Variants in EMID1 observed in about 807,000 individuals in gnomAD.
The protein encoded by EMID1 is EMI domain-containing protein 1.
A neutral mutation model predicts 60.6 loss-of-function variants in EMID1; 40 were observed. The observed-to-expected ratio is 0.66, with a 90% CI of 0.51 to 0.86. The LOEUF (loss-of-function observed/expected upper bound fraction) is 0.86, where lower values mean the gene tolerates loss of function less well. Among genes scored for constraint, EMID1 ranks in the 40% least tolerant of loss-of-function variants. EMID1 has a pLI of 0.00. For synonymous variants in EMID1, 242 were observed against 231.0 expected, an observed-to-expected ratio of 1.05 and a Z score of -0.43; for missense variants, 585 against 597.1, an observed-to-expected ratio of 0.98 and a Z score of 0.21.
chr22:29,226,591 A>G (rs2031332430), intron 5 of EMID1, 40 bp downstream of exon 5: 1 of 1,595,050 alleles, frequency 6.3e-7, no homozygotes, highest in African/African-American at 1.3e-5. Flanking sequence ...GTTCCCTGCC[A>G]CAGGCCAGTC....
At position 29,255,375 on chromosome 22, in the gene EMID1, G is replaced by A. The variant is rs567805402; in HGVS notation, c.1204+1088G>A. On this transcript the variant is annotated intron_variant, in intron 14 of 14. Coordinates refer to ENST00000334018, the MANE Select transcript of EMID1 (RefSeq NM_133455.4). ...TCATCTGGCCAGGTAATGGCAGGGC[G>A]GGCAGGCAGGGGCAGCCTCTTCCAG... 5.1e-5 allele frequency: 74 copies of A among 1,437,230 alleles called. No homozygotes were observed. In the African/African-American group the frequency reaches 6.3e-4, roughly 12 times the overall value. 89.0% of individuals were successfully genotyped at this position (1,437,230 alleles called of 1,614,324 possible). A position where few individuals can be genotyped will look rare whatever the true frequency, so the allele number is the denominator to read the frequency against.
chr22:29,256,404 CAGTG>C (rs1569012024), intron 14 of EMID1, among the ~76,000 whole-genome samples: 1 of 145,464 alleles, frequency 6.9e-6, no homozygotes. Context: ...GCAGAGGTTG[CAGTG>C]AGCCGAGACC....
chr22:29,250,723 C>T (rs1056371294), intron 13 of EMID1, among the ~76,000 whole-genome samples: 2 of 126,524 alleles, frequency 1.6e-5, no homozygotes, highest in Non-Finnish European at 3.5e-5. Context: ...TGCACCACCA[C>T]ACCCGGCTAA....
At chr22:29,254,664 G>C in intron 14 of EMID1, 2 of 248,868 alleles carry the variant, frequency 8.0e-6, no homozygotes, top group Non-Finnish European at 1.6e-5. Flanking sequence ...CAGACTCCTG[G>C]AGTGCAAGGA....
At chr22:29,233,039 C>T (rs2040813092) in intron 8 of EMID1, 2 of 338,020 alleles carry the variant, frequency 5.9e-6, no homozygotes, top group Admixed American at 4.2e-5. Context: ...GCGTAACATC[C>T]ATGTACAGAA....
intron 14 of EMID1, 52 bp from the exon 15 acceptor site, chr22:29,258,765 C>T (rs1246180404): frequency 6.2e-7 from 1 of 1,601,450 alleles, no homozygotes; most frequent in Non-Finnish European, 8.5e-7. Context: ...GGGAGGTGGG[C>T]ACCTCACATG....
At chr22:29,216,584 T>C (rs1240137340) in intron 3 of EMID1, 46 of 985,270 alleles carry the variant, frequency 4.7e-5, no homozygotes, top group Non-Finnish European at 5.5e-5. Flanking sequence ...TGTGCGAAAA[T>C]GTAGCCTCTG....
intron 1 of EMID1, among the ~76,000 whole-genome samples, chr22:29,212,185 C>T (rs1204885747): frequency 6.6e-6 from 1 of 152,128 alleles, no homozygotes; most frequent in Admixed American, 6.5e-5. Context: ...GAGGTTTTGC[C>T]TTGTTGCCCA....
At chr22:29,231,916 C>T (rs1331652007) in intron 7 of EMID1, 2 of 562,272 alleles carry the variant, frequency 3.6e-6, no homozygotes, top group African/African-American at 1.9e-5. Context: ...GAGCTGGGCA[C>T]TGGGTGGGGT....
intron 12 of EMID1, among the ~76,000 whole-genome samples, chr22:29,242,336 T>C (rs933577205): frequency 6.6e-6 from 1 of 152,232 alleles, no homozygotes; most frequent in African/African-American, 2.4e-5. Context: ...ATTTCTGGTA[T>C]TATCGTTTTC....
chr22:29,252,473 A>G (rs544353063), intron 13 of EMID1, among the ~76,000 whole-genome samples: 2 of 152,170 alleles, frequency 1.3e-5, no homozygotes, highest in Non-Finnish European at 2.9e-5. Context: ...GGATAGTTCT[A>G]TTTGTCATCC....
chr22:29,225,246 C>T, intron 4 of EMID1, 30 bp downstream of exon 4: 5 of 1,611,052 alleles, frequency 3.1e-6, no homozygotes, highest in Non-Finnish European at 4.2e-6. Context: ...CTTGAGGTCC[C>T]CCTGGGCTGA....
In EMID1 at chr22:29,231,149, C is replaced by G. The variant is rs753733750; in HGVS notation, c.586+9C>G. On this transcript the variant is annotated intron_variant, in intron 6 of 14. Coordinates refer to ENST00000334018, the MANE Select transcript of EMID1 (RefSeq NM_133455.4). ...AGATGGAGGCCTCCAGGGTGAGTGT[C>G]AGACTCAGACTCCCCTGTGGGAATG... is the stretch of plus-strand genomic sequence containing the variant. 3 of 1,588,776 alleles carry G rather than the reference C, an allele frequency of 1.9e-6. No individual in the cohort carries two copies. The highest frequency in any genetic ancestry group is 2.6e-6 in the Non-Finnish European group (3 of 1,169,360).
chr22:29,215,480 G>A, intron 2 of EMID1, 47 bp from the exon 3 acceptor site: 1 of 1,571,086 alleles, frequency 6.4e-7, no homozygotes, highest in Non-Finnish European at 8.8e-7. Flanking sequence ...AGTGGGAGAG[G>A]TCATGGAGGA....
chr22:29,208,492 G>T (rs1452687147), intron 1 of EMID1, among the ~76,000 whole-genome samples: 1 of 152,188 alleles, frequency 6.6e-6, no homozygotes, highest in Admixed American at 6.5e-5. Context: ...CAGCGTTTCA[G>T]CTGAGGGTTC....
At chr22:29,248,041 T>C (rs1156336003) in intron 13 of EMID1, among the ~76,000 whole-genome samples, 1 of 150,464 alleles carries the variant, frequency 6.6e-6, no homozygotes, top group African/African-American at 2.4e-5. Context: ...AACCTCCGCC[T>C]CCTGGGTTCA....
intron 4 of EMID1, among the ~76,000 whole-genome samples, chr22:29,225,871 A>G (rs1019710786): frequency 6.6e-6 from 1 of 152,144 alleles, no homozygotes; most frequent in Non-Finnish European, 1.5e-5. Flanking sequence ...TGAATGACTC[A>G]TGTCATTCTC....
At chr22:29,243,124 ACTGAAACTTT>A (rs2041211563) in intron 12 of EMID1, among the ~76,000 whole-genome samples, 1 of 140,634 alleles carries the variant, frequency 7.1e-6, no homozygotes, top group Non-Finnish European at 1.6e-5. Context: ...GGCCAATAAA[ACTGAAACTTT>A]CTGCTTGAGC....
chr22:29,216,585 G>T, intron 3 of EMID1: 2 of 985,466 alleles, frequency 2.0e-6, no homozygotes, highest in African/African-American at 3.5e-5. Context: ...GTGCGAAAAT[G>T]TAGCCTCTGA....
Sources: gnomAD v4.1 joint callset for allele counts (sites outside exome capture counted in the v4.1 genomes callset) on GRCh38, gnomAD v4.1.1 for gene constraint, MANE v1.5 for transcripts, NCBI Gene and HGNC (gene_info 2026-07-23, HGNC 2026-07-21) for gene names.